Variants in ARHGAP12 observed in about 807,000 individuals in gnomAD.
ARHGAP12 encodes the protein Rho GTPase activating protein 12.
In ARHGAP12, 64 loss-of-function variants were observed where a neutral mutation model predicts 108.6. The observed-to-expected ratio is 0.59, with a 90% CI of 0.48 to 0.73. The LOEUF (loss-of-function observed/expected upper bound fraction) is 0.73. Ranked by LOEUF, ARHGAP12 falls within the 30% of genes least tolerant of loss-of-function variation. The probability of loss-of-function intolerance (pLI) is 0.00; values close to 1 mark genes in which losing one functional copy is unlikely to be tolerated. For missense variants in ARHGAP12, 940 were observed against 1,005.9 expected (o/e 0.93, Z 0.89); for synonymous variants, 312 against 337.2 (o/e 0.93, Z 0.82).
intron 3 of ARHGAP12, among the ~76,000 whole-genome samples, chr10:31,871,086 G>A (rs1300120029): frequency 6.6e-6 from 1 of 152,176 alleles, no homozygotes; most frequent in African/African-American, 2.4e-5. Flanking sequence ...AACAGGGATA[G>A]GAGGTGAGAC....
At chr10:31,817,982 A>G in intron 12 of ARHGAP12, 96 bp from the exon 13 acceptor site, 1 of 822,354 alleles carries the variant, frequency 1.2e-6, no homozygotes, top group Admixed American at 2.4e-5. Context: ...AAAACCACCA[A>G]GAGTAGCTGC....
At chr10:31,890,607 T>C (rs1207214091) in intron 3 of ARHGAP12, among the ~76,000 whole-genome samples, 1 of 152,140 alleles carries the variant, frequency 6.6e-6, no homozygotes, top group Non-Finnish European at 1.5e-5. Context: ...AACGACTCCA[T>C]GGTTCCAGGA....
intron 18 of ARHGAP12, 79 bp downstream of exon 18, chr10:31,808,915 G>A (rs1834916873): frequency 1.4e-6 from 2 of 1,430,390 alleles, no homozygotes; most frequent in Admixed American, 2.2e-5. Flanking sequence ...CTTAAAGTAA[G>A]ATAAAAAAAA....
At chr10:31,917,739 A>G (rs1006644873) in intron 1 of ARHGAP12, among the ~76,000 whole-genome samples, 3 of 152,356 alleles carry the variant, frequency 2.0e-5, no homozygotes, top group Admixed American at 1.3e-4. Flanking sequence ...TTCTAGTGTC[A>G]GACATCAGTA....
At chr10:31,861,065 G>T (rs953926561) in intron 4 of ARHGAP12, among the ~76,000 whole-genome samples, 2 of 152,070 alleles carry the variant, frequency 1.3e-5, no homozygotes, top group Admixed American at 6.6e-5. Context: ...TTAAAAAACT[G>T]AATTAAATTT....
intron 13 of ARHGAP12, among the ~76,000 whole-genome samples, chr10:31,817,029 A>C (rs1403790584): frequency 6.6e-6 from 1 of 152,118 alleles, no homozygotes; most frequent in Non-Finnish European, 1.5e-5. Flanking sequence ...ATATGGTGAA[A>C]GGTGAAAAGG....
chr10:31,825,148 C>T (rs906234120), intron 11 of ARHGAP12, among the ~76,000 whole-genome samples: 1 of 152,042 alleles, frequency 6.6e-6, no homozygotes, highest in African/African-American at 2.4e-5. Context: ...TGTTCACATC[C>T]GTGCTCAATT....
In ARHGAP12 at chr10:31,861,469, T is replaced by G. The variant is rs1315290929; in HGVS notation, c.874A>C (p.Thr292Pro). The stretch of plus-strand genomic sequence containing the variant: ...CGAGTCCAACGAGGAGGTTTCCAAG[T>G]TCTTTCCTGTGTCCCTCTGTTATAG... ...YYYNRGTQER[T>P]WKPPRWTRDA... Residue 292 changes from threonine (T) to proline (P), a missense_variant, in exon 4 of 20, where the codon ACT (threonine) becomes CCT (proline). Coordinates refer to ENST00000344936, the MANE Select transcript of ARHGAP12 (RefSeq NM_018287.7). The G allele has an allele frequency of 1.9e-6, 3 of 1,614,202 alleles. No individual in the cohort carries two copies. Among genetic ancestry groups the G allele is most frequent in the Non-Finnish European group, 2.5e-6 (3 of 1,180,030 alleles).
intron 3 of ARHGAP12, among the ~76,000 whole-genome samples, chr10:31,873,655 A>G (rs1029161285): frequency 1.3e-5 from 2 of 152,222 alleles, no homozygotes; most frequent in Non-Finnish European, 2.9e-5. Flanking sequence ...CAAATGAATA[A>G]ACCAAAGACC....
intron 4 of ARHGAP12, among the ~76,000 whole-genome samples, chr10:31,860,700 T>G (rs570650599): frequency 6.6e-6 from 1 of 152,332 alleles, no homozygotes; most frequent in South Asian, 2.1e-4. Context: ...TGGGAAGTAG[T>G]CTGGTAGCCA....
intron 3 of ARHGAP12, among the ~76,000 whole-genome samples, chr10:31,880,445 T>C (rs1837900685): frequency 6.6e-6 from 1 of 151,688 alleles, no homozygotes; most frequent in African/African-American, 2.4e-5. Context: ...CCCATCTCTA[T>C]AGAAAAACAA....
chr10:31,902,471 TTC>T (rs992197325), intron 3 of ARHGAP12, among the ~76,000 whole-genome samples: 9 of 150,722 alleles, frequency 6.0e-5, no homozygotes, highest in African/African-American at 2.2e-4. Flanking sequence ...AGGCCAGGGG[TTC>T]AAGACTAGCC....
chr10:31,895,488 A>G (rs941337628), intron 3 of ARHGAP12, among the ~76,000 whole-genome samples: 2 of 152,248 alleles, frequency 1.3e-5, no homozygotes, highest in Non-Finnish European at 2.9e-5. Context: ...GACACATGAA[A>G]AAATGCTCAC....
chr10:31,859,480 T>C (rs372843894), intron 4 of ARHGAP12, among the ~76,000 whole-genome samples: 1 of 45,886 alleles, frequency 2.2e-5, no homozygotes, highest in South Asian at 7.5e-4. Flanking sequence ...CATACACACA[T>C]AGTTTCCATT....
intron 3 of ARHGAP12, among the ~76,000 whole-genome samples, chr10:31,876,233 T>A (rs1027456462): frequency 1.3e-5 from 2 of 152,008 alleles, no homozygotes; most frequent in Admixed American, 1.3e-4. Flanking sequence ...AAAAATAACA[T>A]CAGGCCGGGC....
chr10:31,808,972 C>A lies in ARHGAP12; in HGVS notation c.2263+22G>T, dbSNP rs768064765. ...AAGAATTTTCAATATCTAGAAAAAA[C>A]TGAGTAGAATTACATACTTACTAAT... On this transcript the variant is annotated intron_variant, in intron 18 of 19. Coordinates refer to ENST00000344936, the MANE Select transcript of ARHGAP12 (RefSeq NM_018287.7). The A allele has an allele frequency of 3.9e-6, 6 of 1,542,996 alleles. No individual in the cohort carries two copies. In the East Asian group the frequency reaches 1.4e-4, roughly 35 times the overall value.
chr10:31,827,684 G>A (rs912765179), intron 10 of ARHGAP12, among the ~76,000 whole-genome samples: 11 of 151,922 alleles, frequency 7.2e-5, no homozygotes, highest in Non-Finnish European at 1.5e-4. Flanking sequence ...CCAGCTACTC[G>A]GGAGGCTGAG....
intron 12 of ARHGAP12, among the ~76,000 whole-genome samples, chr10:31,818,469 C>G (rs1194240754): frequency 6.6e-6 from 1 of 152,088 alleles, no homozygotes; most frequent in Admixed American, 6.5e-5. Flanking sequence ...TATGTTTATT[C>G]TATATGAAGG....
intron 6 of ARHGAP12, among the ~76,000 whole-genome samples, chr10:31,845,738 T>C (rs757068560): frequency 3.9e-5 from 6 of 152,104 alleles, no homozygotes; most frequent in Non-Finnish European, 5.9e-5. Context: ...CGAACCGAAA[T>C]TTCACCACTG....
Sources: allele counts gnomAD v4.1 joint callset (sites outside exome capture counted in the v4.1 genomes callset), GRCh38; gene constraint gnomAD v4.1.1; transcripts MANE v1.5; gene names NCBI Gene and HGNC (gene_info 2026-07-23, HGNC 2026-07-21).